The following ESRRG variants were observed in gnomAD, a reference collection of about 807,000 sequenced individuals.
The protein encoded by ESRRG is estrogen related receptor gamma, also known as estrogen-related receptor gamma.
A neutral mutation model predicts 44.0 loss-of-function variants in ESRRG; 13 were observed. The ratio of observed to expected loss-of-function variants is 0.30; its 90% CI spans 0.19 to 0.47. The LOEUF (loss-of-function observed/expected upper bound fraction) is 0.47. Among genes scored for constraint, ESRRG ranks in the 20% least tolerant of loss-of-function variants. The pLI, the probability that ESRRG is intolerant of heterozygous loss-of-function variation, is 1.00. For synonymous variants in ESRRG, 215 were observed against 214.6 expected, an observed-to-expected ratio of 1.00 and a Z score of -0.02; for missense variants, 395 against 580.6, an observed-to-expected ratio of 0.68 and a Z score of 3.29.
intron 2 of ESRRG, among the ~76,000 whole-genome samples, chr1:216,885,691 T>C (rs891276349): frequency 6.6e-6 from 1 of 152,128 alleles, no homozygotes; most frequent in African/African-American, 2.4e-5. Context: ...TATTCTGAGA[T>C]CATTTTAGAT....
intron 1 of ESRRG, among the ~76,000 whole-genome samples, chr1:216,692,485 T>C (rs772212499): frequency 1.3e-5 from 2 of 151,994 alleles, no homozygotes; most frequent in Admixed American, 6.6e-5. Context: ...ATAAAAAGAG[T>C]CAAAAAGTTG....
intron 2 of ESRRG, among the ~76,000 whole-genome samples, chr1:216,922,538 T>A (rs562430762): frequency 6.6e-6 from 1 of 152,296 alleles, no homozygotes; most frequent in South Asian, 2.1e-4. Context: ...ATTAACTAGG[T>A]AGAATTACTG....
Position 216,829,616 on chromosome 1 carries a change from G to A in ESRRG, c.-14+109966C>T, listed in dbSNP as rs142970443. 3.9e-3 allele frequency among the ~76,000 whole-genome samples: 581 copies of A among 149,484 alleles called. 19 individuals carry two copies. In the East Asian group the frequency reaches 0.093, roughly 24 times the overall value. ...GTTGCCCAGGCTGGAATGCAGTGGC[G>A]CCATCTTGGCTCACTCCAACCTCCG... On this transcript the variant is annotated intron_variant, in intron 2 of 7. Transcript: ENST00000359162.
chr1:216,598,186 T>C (rs2058707936), intron 3 of ESRRG, among the ~76,000 whole-genome samples: 1 of 152,208 alleles, frequency 6.6e-6, no homozygotes, highest in Non-Finnish European at 1.5e-5. Flanking sequence ...TATATTGTTT[T>C]ATAGGAAATA....
intron 1 of ESRRG, among the ~76,000 whole-genome samples, chr1:216,718,562 ATGAT>A (rs1486549159): frequency 6.6e-6 from 1 of 152,008 alleles, no homozygotes; most frequent in Non-Finnish European, 1.5e-5. Context: ...ACACATAAGT[ATGAT>A]TGGAGAAAGA....
chr1:217,086,633 T>C (rs1408938394), intron 1 of ESRRG, among the ~76,000 whole-genome samples: 1 of 152,224 alleles, frequency 6.6e-6, no homozygotes, highest in Non-Finnish European at 1.5e-5. Flanking sequence ...TTTTATCTTG[T>C]GGTTGACCAT....
At chr1:216,764,164 C>T (rs2092944286) in intron 2 of ESRRG, among the ~76,000 whole-genome samples, 1 of 141,158 alleles carries the variant, frequency 7.1e-6, no homozygotes, top group Non-Finnish European at 1.5e-5. Flanking sequence ...TTTCAACAAA[C>T]TACCTAATTG....
intron 2 of ESRRG, among the ~76,000 whole-genome samples, chr1:216,811,403 C>A (rs1477762604): frequency 6.6e-6 from 1 of 152,122 alleles, no homozygotes; most frequent in Admixed American, 6.6e-5. Flanking sequence ...GTAATGACTT[C>A]TGATTTTAGG....
At chr1:216,897,923 C>T (rs1026670057) in intron 2 of ESRRG, among the ~76,000 whole-genome samples, 1 of 152,190 alleles carries the variant, frequency 6.6e-6, no homozygotes, top group African/African-American at 2.4e-5. Flanking sequence ...ACTGTCCCAT[C>T]CTGTCACCCT....
In ESRRG at chr1:217,082,860, T is replaced by C. The variant is rs149929788; in HGVS notation, c.-106+6647A>G. Among the ~76,000 whole-genome samples the C allele has an allele frequency of 5.2e-3, 791 of 152,278 alleles. 15 individuals are homozygous for C. Among genetic ancestry groups the C allele is most frequent in the Non-Finnish European group, 1.6e-3 (108 of 68,034 alleles). On this transcript the variant is annotated intron_variant, in intron 1 of 7. Transcript: ENST00000359162. ...TAAACTTAGAAGTACTGCTAATATT[T>C]CAGTATATCAGGGAAAGAAAAGCCA...
intron 2 of ESRRG, among the ~76,000 whole-genome samples, chr1:216,807,487 G>A (rs1262699069): frequency 1.3e-5 from 2 of 151,966 alleles, no homozygotes; most frequent in East Asian, 3.9e-4. Context: ...TTTTATTTCT[G>A]ATATAATTAA....
intron 1 of ESRRG, among the ~76,000 whole-genome samples, chr1:217,064,859 T>C (rs1169128449): frequency 6.6e-6 from 1 of 152,202 alleles, no homozygotes; most frequent in African/African-American, 2.4e-5. Context: ...CTGGTTATGC[T>C]AGACCCTGAA....
intron 2 of ESRRG, among the ~76,000 whole-genome samples, chr1:216,816,399 T>C (rs2095138481): frequency 6.6e-6 from 1 of 152,188 alleles, no homozygotes; most frequent in African/African-American, 2.4e-5. Context: ...TTGTGCCCAA[T>C]AAATATATAC....
chr1:217,103,556 G>T (rs74891713), intron 1 of ESRRG, among the ~76,000 whole-genome samples: 2 of 151,876 alleles, frequency 1.3e-5, no homozygotes, highest in East Asian at 3.9e-4. Flanking sequence ...ACTTGAGGAG[G>T]CTGAGGAGGG....
chr1:216,850,959 C>T (rs890206916), intron 2 of ESRRG, among the ~76,000 whole-genome samples: 3 of 150,826 alleles, frequency 2.0e-5, no homozygotes, highest in East Asian at 1.9e-4. Flanking sequence ...CTGGAAGATA[C>T]GGCCCTCTAG....
intron 1 of ESRRG, among the ~76,000 whole-genome samples, chr1:217,053,374 G>C (rs944099313): frequency 1.3e-5 from 2 of 151,872 alleles, no homozygotes; most frequent in African/African-American, 2.4e-5. Flanking sequence ...AGAATCGCTT[G>C]AACCTAGGAG....
At chr1:216,883,274 A>G (rs1052413249) in intron 2 of ESRRG, among the ~76,000 whole-genome samples, 5 of 149,514 alleles carry the variant, frequency 3.3e-5, no homozygotes, top group African/African-American at 1.2e-4. Flanking sequence ...AATTCCAGCT[A>G]GTTGGGAGGC....
At chr1:216,728,444 T>C (rs1190127121) in intron 2 of ESRRG, among the ~76,000 whole-genome samples, 1 of 151,762 alleles carries the variant, frequency 6.6e-6, no homozygotes, top group African/African-American at 2.4e-5. Flanking sequence ...AATTGTTGAC[T>C]CAATCATGTG....
At chr1:216,891,376 T>G (rs2057765399) in intron 2 of ESRRG, among the ~76,000 whole-genome samples, 1 of 152,250 alleles carries the variant, frequency 6.6e-6, no homozygotes, top group South Asian at 2.1e-4. Flanking sequence ...AACTTACTTT[T>G]CTCCAGAACC....
Sources: gnomAD v4.1 joint callset for allele counts (sites outside exome capture counted in the v4.1 genomes callset) on GRCh38, gnomAD v4.1.1 for gene constraint, MANE v1.5 for transcripts, NCBI Gene and HGNC (gene_info 2026-07-23, HGNC 2026-07-21) for gene names.